Variants in KCNK18 observed in about 807,000 individuals in gnomAD.
The protein encoded by KCNK18 is potassium two pore domain channel subfamily K member 18.
In KCNK18, 8 loss-of-function variants were observed where a neutral mutation model predicts 11.8. The ratio of observed to expected loss-of-function variants is 0.68; its 90% CI spans 0.40 to 1.22. The LOEUF is 1.22. Among genes scored for constraint, KCNK18 ranks in the 50% most tolerant of loss-of-function variants. The pLI, the probability that KCNK18 is intolerant of heterozygous loss-of-function variation, is 0.01. For synonymous variants in KCNK18, 208 were observed against 185.8 expected (o/e 1.12, Z -0.97); for missense variants, 442 against 465.4 (o/e 0.95, Z 0.46).
chr10:117,201,334 G>T (rs1855012256), intron 2 of KCNK18, 47 bp downstream of exon 2: 1 of 1,604,292 alleles, frequency 6.2e-7, no homozygotes, highest in South Asian at 1.1e-5. Context: ...TGTGAAGGGT[G>T]GGTTTCTGGG....
At chr10:117,204,270 CAAA>C (rs61016831) in intron 2 of KCNK18, among the ~76,000 whole-genome samples, 2 of 116,512 alleles carry the variant, frequency 1.7e-5, no homozygotes, top group Non-Finnish European at 1.7e-5. Context: ...GGCAGAGTCT[CAAA>C]AAAAAAAAAA....
In KCNK18 at chr10:117,197,534, G is replaced by T. The variant is rs1233963298; in HGVS notation, c.46G>T (p.Ala16Ser). ...HPQARRCCPE[A>S]LGKLFPGLCF... ...CCAGGCCAGGAGATGCTGCCCAGAG[G>T]CCCTGGGAAAGCTCTTCCCTGGCCT... The change falls in exon 1 of 3, where the codon GCC becomes TCC. Residue 16 changes from alanine (A) to serine (S), a missense_variant. By Grantham distance (99) the Ala-to-Ser change is moderately conservative. Transcript: ENST00000334549. 2 of 1,614,080 alleles carry T rather than the reference G, an allele frequency of 1.2e-6. No individual in the cohort carries two copies. The highest frequency in any genetic ancestry group is 1.7e-6 in the Non-Finnish European group (2 of 1,180,032).
rs12247136 is a variant in KCNK18, at chr10:117,210,180, G to A, written c.1036G>A (p.Val346Ile). The change falls in exon 3 of 3, where the codon GTT (valine) becomes ATT (isoleucine). Residue 346 changes from valine to isoleucine, a missense_variant. Transcript: ENST00000334549. Reference protein sequence around the residue: ...FFLFFSIYIIVGMEIVFIAFK... With the variant: ...FFLFFSIYIIIGMEIVFIAFK... ...CCTGTTCTTCTCCATTTATATCATC[G>A]TTGGAATGGAGATTGTGTTCATTGC... is the stretch of plus-strand genomic sequence containing the variant. 4.1e-5 allele frequency: 66 copies of A among 1,614,048 alleles called. 1 individual carries two copies. In the Middle Eastern group the frequency reaches 8.2e-4, roughly 20 times the overall value.
chr10:117,201,601 T>G (rs1402167775), intron 2 of KCNK18, among the ~76,000 whole-genome samples: 1 of 152,208 alleles, frequency 6.6e-6, no homozygotes, highest in Non-Finnish European at 1.5e-5. Context: ...ACAGTTCATG[T>G]GCGTTTGAAC....
chr10:117,201,863 G>T (rs1855017265), intron 2 of KCNK18, among the ~76,000 whole-genome samples: 1 of 152,208 alleles, frequency 6.6e-6, no homozygotes, highest in African/African-American at 2.4e-5. Context: ...AGTAACTAAG[G>T]TCCCTCTGGT....
chr10:117,210,046 T>TC lies in KCNK18; in HGVS notation c.906dup (p.Phe303LeufsTer33). On this transcript the variant is annotated frameshift_variant, in exon 3 of 3. Transcript: ENST00000334549. LOFTEE classifies it low-confidence loss of function (END_TRUNC). ...TACATTTCCTGTGCAGCTGCCATCC[T>TC]CCCCTTCTGGGAGACACAGTTGGAT... 1 of 1,614,216 alleles carries TC rather than the reference T, an allele frequency of 6.2e-7. No homozygotes were observed. The highest frequency in any genetic ancestry group is 8.5e-7 in the Non-Finnish European group (1 of 1,180,038).
rs1855124416 is a variant in KCNK18 at position 117,209,885 on chromosome 10, G to A, written c.741G>A (p.Met247Ile). 2 of 1,614,206 alleles carry A rather than the reference G, an allele frequency of 1.2e-6. No individual in the cohort carries two copies. Among genetic ancestry groups the A allele is most frequent in the South Asian group, 2.2e-5 (2 of 91,088 alleles). The stretch of plus-strand genomic sequence containing the variant: ...CACTGCAACTGCCCCCACAAGCCAT[G>A]GAGAGGAGTAACTCGTGTCCCGAAC... Reference protein sequence around the residue: ...QNTLQLPPQAMERSNSCPELV... With the variant: ...QNTLQLPPQAIERSNSCPELV... The change falls in exon 3 of 3, where the codon ATG (methionine) becomes ATA (isoleucine). Residue 247 changes from methionine (M) to isoleucine (I), a missense_variant. Met to Ile is a conservative substitution (Grantham distance 10). Transcript: ENST00000334549.
In KCNK18 at chr10:117,201,185, CA is replaced by C. The variant is rs1855009808; in HGVS notation, c.251del (p.Gln84ArgfsTer7). The C allele has an allele frequency of 2.5e-6, 4 of 1,614,166 alleles. No individual in the cohort carries two copies. Among genetic ancestry groups the C allele is most frequent in the Non-Finnish European group, 3.4e-6 (4 of 1,180,010 alleles). On this transcript the variant is annotated frameshift_variant, in exon 2 of 3. Transcript: ENST00000334549. LOFTEE classifies it high-confidence loss of function. ...TVVEDRKQDL[Q>X]GHLQKVKPQW... ...GGTGGAAGACAGAAAACAGGATCTCCAGGGGCATCTGCAGAAGGTGAAGCCT... is the reference window on the plus strand; with the variant it reads ...GGTGGAAGACAGAAAACAGGATCTCCGGGGCATCTGCAGAAGGTGAAGCCT...
chr10:117,200,875 A>T (rs934427345), intron 1 of KCNK18, among the ~76,000 whole-genome samples: 1 of 151,580 alleles, frequency 6.6e-6, no homozygotes, highest in Admixed American at 6.6e-5. Context: ...AAGACTACAC[A>T]GCAATGCCAG....
rs545082142 is a variant in KCNK18, at chr10:117,203,328, G to A, written c.352+2041G>A. Among the ~76,000 whole-genome samples, 3 of 152,254 alleles carry A rather than the reference G, an allele frequency of 2.0e-5. No homozygotes were observed. In the South Asian group the frequency reaches 6.2e-4, roughly 32 times the overall value. ...TTCTCACCACAACCCTGCAAGGTAA[G>A]TGCTGTGACTATCCCATTCCACAGG... On this transcript the variant is annotated intron_variant, in intron 2 of 2. Coordinates refer to ENST00000334549, the MANE Select transcript of KCNK18 (RefSeq NM_181840.1).
chr10:117,207,948 C>A (rs936265846), intron 2 of KCNK18, among the ~76,000 whole-genome samples: 1 of 152,296 alleles, frequency 6.6e-6, no homozygotes, highest in South Asian at 2.1e-4. Context: ...GATGCTTGCC[C>A]GCTCCAGAAG....
At position 117,197,580 on chromosome 10, in the gene KCNK18, T is replaced by G; in HGVS notation, c.92T>G (p.Val31Gly). Residue 31 changes from valine (V) to glycine (G), a missense_variant, in exon 1 of 3, where the codon GTG becomes GGG. Transcript: ENST00000334549. Reference sequence around the variant, plus strand: ...GGCCTCTGCTTCCTCTGCTTTCTGGTGACCTACGCCCTGGTGGGTGCTGTG... The same window carrying G: ...GGCCTCTGCTTCCTCTGCTTTCTGGGGACCTACGCCCTGGTGGGTGCTGTG... ...FPGLCFLCFL[V>G]TYALVGAVVF... is the part of the protein sequence containing the mutation. 5.0e-6 allele frequency: 8 copies of G among 1,614,234 alleles called. No homozygotes were observed. Among genetic ancestry groups the G allele is most frequent in the Non-Finnish European group, 6.8e-6 (8 of 1,180,040 alleles).
chr10:117,208,123 C>A lies in KCNK18; in HGVS notation c.353-1374C>A, dbSNP rs559831213. On this transcript the variant is annotated intron_variant, in intron 2 of 2. Transcript: ENST00000334549. ...TTGAATGGTCCTGCCCCCGGATGCT[C>A]CTGAGGGTGACAGCACTGGTTGGGG... 7.9e-5 allele frequency among the ~76,000 whole-genome samples: 12 copies of A among 152,270 alleles called. No homozygotes were observed. The South Asian group carries it at 2.5e-3, about 32-fold the overall frequency.
intron 2 of KCNK18, 64 bp downstream of exon 2, chr10:117,201,351 A>C (rs1855012362): frequency 6.3e-7 from 1 of 1,580,460 alleles, no homozygotes; most frequent in Admixed American, 1.7e-5. Context: ...TGGGTGGCAA[A>C]GGACACTGGA....
At chr10:117,203,657 G>C (rs1432112883) in intron 2 of KCNK18, among the ~76,000 whole-genome samples, 1 of 152,132 alleles carries the variant, frequency 6.6e-6, no homozygotes, top group Admixed American at 6.5e-5. Flanking sequence ...TTCCTGTCTC[G>C]GTCTCCCGAG....
chr10:117,202,570 G>A (rs363311), intron 2 of KCNK18, among the ~76,000 whole-genome samples: 19,122 of 152,104 alleles, frequency 0.13, 1,511 homozygotes, highest in East Asian at 0.24. Context: ...AAGCATAACT[G>A]TGTCTTATAC....
At position 117,209,508 on chromosome 10, in the gene KCNK18, A is replaced by G. The variant is rs768188037; in HGVS notation, c.364A>G (p.Ile122Val). The change falls in exon 3 of 3, where the codon ATC (isoleucine) becomes GTC (valine). Residue 122 changes from isoleucine (I) to valine (V), a missense_variant. Transcript: ENST00000334549. ...ATCTTCTTTTTCAGGCTATGGCTAC[A>G]TCTACCCCGTCACCAGGCTTGGCAA... ...TVFSTVGYGY[I>V]YPVTRLGKYL... 1.9e-6 allele frequency: 3 copies of G among 1,614,102 alleles called. No homozygotes were observed. The South Asian group carries it at 3.3e-5, about 18-fold the overall frequency.
intron 2 of KCNK18, among the ~76,000 whole-genome samples, chr10:117,201,884 T>C (rs576836567): frequency 6.6e-6 from 1 of 152,326 alleles, no homozygotes; most frequent in Non-Finnish European, 1.5e-5. Flanking sequence ...GATTAAGGGC[T>C]CACTCTGAGC....
intron 1 of KCNK18, among the ~76,000 whole-genome samples, chr10:117,200,497 G>C (rs1265074481): frequency 6.6e-6 from 1 of 152,232 alleles, no homozygotes; most frequent in Non-Finnish European, 1.5e-5. Flanking sequence ...AGGCAGAGCA[G>C]AAGTTATCTT....
Sources: allele counts gnomAD v4.1 joint callset (sites outside exome capture counted in the v4.1 genomes callset), GRCh38; gene constraint gnomAD v4.1.1; transcripts MANE v1.5; gene names NCBI Gene and HGNC (gene_info 2026-07-23, HGNC 2026-07-21).